The following KMT2D variants were observed in gnomAD, a reference collection of about 807,000 sequenced individuals.
The protein encoded by KMT2D is histone-lysine N-methyltransferase 2D.
KMT2D carries 55 observed loss-of-function variants against 512.7 expected under a neutral mutation model. That is an observed-to-expected ratio of 0.11 (90% CI 0.09 to 0.13). The LOEUF is 0.13. Ranked by LOEUF, KMT2D falls within the 10% of genes least tolerant of loss-of-function variation. KMT2D has a pLI of 1.00. For missense variants in KMT2D, 6,061 were observed against 7,127.9 expected, an observed-to-expected ratio of 0.85 and a Z score of 5.39; for synonymous variants, 2,995 against 2,904.0, an observed-to-expected ratio of 1.03 and a Z score of -1.01.
rs1243381790 is a variant in KMT2D at position 49,054,967 on chromosome 12, G to T, written c.109C>A (p.His37Asn). 5.0e-6 allele frequency: 8 copies of T among 1,613,914 alleles called. No individual in the cohort carries two copies. The highest frequency in any genetic ancestry group is 5.9e-6 in the Non-Finnish European group (7 of 1,179,896). Residue 37 changes from histidine to asparagine, a missense_variant, in exon 3 of 55, where the codon CAT (histidine) becomes AAT (asparagine). His to Asn is a moderately conservative substitution (Grantham distance 68, BLOSUM62 1). Transcript: ENST00000301067. This position sits in a 1 kb window ranked among gnomAD's most constrained non-coding sequence, Gnocchi z 6.4. ...CTAAGGACAGAGACCTCTCCCACATGTGGGTTGGGCAGGTCTGACTCAGTG... is the reference window on the plus strand; with the variant it reads ...CTAAGGACAGAGACCTCTCCCACATTTGGGTTGGGCAGGTCTGACTCAGTG... ...SATESDLPNP[H>N]VGEVSVLSSG...
chr12:49,039,673 C>T lies in KMT2D; in HGVS notation c.8046+51G>A, dbSNP rs1943392379. On this transcript the variant is annotated intron_variant, in intron 32 of 54. Transcript: ENST00000301067. This position sits in a 1 kb window ranked among gnomAD's most constrained non-coding sequence, Gnocchi z 5.0. ...CCATTCTACTCCAATCATAGGGCTG[C>T]CCCAGAGACAGGAGCGATATAGGGG... is the stretch of plus-strand genomic sequence containing the variant. 3.7e-6 allele frequency: 6 copies of T among 1,602,618 alleles called. No individual in the cohort carries two copies. Among genetic ancestry groups the T allele is most frequent in the East Asian group, 4.5e-5 (2 of 44,720 alleles).
rs745599611 is a variant in KMT2D at position 49,024,662 on chromosome 12, C to T, written c.15968G>A (p.Arg5323His). The T allele has an allele frequency of 8.1e-6, 13 of 1,613,672 alleles. No individual in the cohort carries two copies. The highest frequency in any genetic ancestry group is 1.3e-5 in the African/African-American group (1 of 74,912). The part of the protein sequence containing the change: ...SCQNYLFRYG[R>H]HPLMELPLMI... Reference sequence around the variant, plus strand: ...GAGTGGCAGCTCCATAAGGGGGTGGCGCCCATAGCGGAATAAATAGTTTTG... The same window carrying T: ...GAGTGGCAGCTCCATAAGGGGGTGGTGCCCATAGCGGAATAAATAGTTTTG... Residue 5323 changes from arginine (R) to histidine (H), a missense_variant, in exon 51 of 55, where the codon CGC becomes CAC. Coordinates refer to ENST00000301067, the MANE Select transcript of KMT2D (RefSeq NM_003482.4). The surrounding 1 kb of genome is among the most constrained non-coding windows in gnomAD (Gnocchi z 4.5).
chr12:49,042,393 G>C lies in KMT2D; in HGVS notation c.5868-63C>G. The C allele has an allele frequency of 6.7e-7, 1 of 1,492,834 alleles. No homozygotes were observed. The highest frequency in any genetic ancestry group is 1.4e-5 in the African/African-American group (1 of 71,402). The allele number at this position is 1,492,834 out of a possible 1,614,324, so 92.5% of individuals were successfully genotyped here. ...TGCCAAGTCCCACCCCAGACAAACT[G>C]CCTAGAGCCCCAGGCCACTGCCCTG... is the stretch of plus-strand genomic sequence containing the variant. On this transcript the variant is annotated intron_variant, in intron 28 of 54. Coordinates refer to ENST00000301067, the MANE Select transcript of KMT2D (RefSeq NM_003482.4). The surrounding 1 kb of genome is among the most constrained non-coding windows in gnomAD (Gnocchi z 4.4).
At chr12:49,043,248 A>G in intron 25 of KMT2D, 62 bp from the exon 26 acceptor site, 1 of 1,536,754 alleles carries the variant, frequency 6.5e-7, no homozygotes. Context: ...ACTCTGAACC[A>G]CAGAGGGCCA....
In KMT2D at chr12:49,021,573, G is replaced by A. The variant is rs546353502; in HGVS notation, c.*207C>T. 7.7e-5 allele frequency: 43 copies of A among 556,850 alleles called. 1 individual carries two copies. The highest frequency in any genetic ancestry group is 9.4e-4 in the Middle Eastern group (2 of 2,132). 34.5% of individuals were successfully genotyped at this position (556,850 alleles called of 1,614,324 possible). ...GGGCAGAGATGCCAGCCTGAGGGCC[G>A]GTGGTGGGGAAGAGGATTGTCCCTG... On this transcript the variant is annotated 3_prime_UTR_variant, in exon 55 of 55. Coordinates refer to ENST00000301067, the MANE Select transcript of KMT2D (RefSeq NM_003482.4).
At position 49,041,228 on chromosome 12, in the gene KMT2D, G is replaced by A. The variant is rs373068721; in HGVS notation, c.6542C>T (p.Pro2181Leu). 4.6e-6 allele frequency: 7 copies of A among 1,513,968 alleles called. No individual in the cohort carries two copies. In the African/African-American group the frequency reaches 9.8e-5, roughly 21 times the overall value. The allele number at this position is 1,513,968 out of a possible 1,614,324, so 93.8% of individuals were successfully genotyped here. ...GAAGCGGGGCTCCAGGGGATAGGCAGGGGCCAGTCCAAAGGGGTCCTGCGA... is the reference window on the plus strand; with the variant it reads ...GAAGCGGGGCTCCAGGGGATAGGCAAGGGCCAGTCCAAAGGGGTCCTGCGA... The part of the protein sequence containing the change: ...VPSQDPFGLA[P>L]AYPLEPRFPT... The change falls in exon 32 of 55, where the codon CCT becomes CTT. Residue 2181 changes from proline (P) to leucine (L), a missense_variant. By Grantham distance (98) the Pro-to-Leu change is moderately conservative (BLOSUM62 -3). Coordinates refer to ENST00000301067, the MANE Select transcript of KMT2D (RefSeq NM_003482.4). This position sits in a 1 kb window ranked among gnomAD's most constrained non-coding sequence, Gnocchi z 5.4.
chr12:49,035,547 CTTTCTTTTTTTCTTTTCT>C (rs1943178425), intron 35 of KMT2D: 1 of 152,284 alleles, frequency 6.6e-6, no homozygotes, highest in South Asian at 2.1e-4. Flanking sequence ...TGAGCATCCA[CTTTCTTTTTTTCTTTTCT>C]TTTCTTTTTT....
chr12:49,057,966 T>C (rs987623395), intron 1 of KMT2D, among the ~76,000 whole-genome samples: 3 of 152,206 alleles, frequency 2.0e-5, no homozygotes, highest in Non-Finnish European at 4.4e-5. Flanking sequence ...CCCACTCTCC[T>C]TCCTGCCTCC....
At position 49,022,979 on chromosome 12, in the gene KMT2D, G is replaced by A; in HGVS notation, c.16053-104C>T. 1.6e-6 allele frequency: 2 copies of A among 1,233,302 alleles called. No individual in the cohort carries two copies. Among genetic ancestry groups the A allele is most frequent in the Non-Finnish European group, 2.2e-6 (2 of 905,892 alleles). 76.4% of individuals were successfully genotyped at this position (1,233,302 alleles called of 1,614,324 possible). ...TGGGATGTGCAACACACCAGTTAGG[G>A]GCGTGTGCTGCTGGCAAGCACTGGA... On this transcript the variant is annotated intron_variant, in intron 51 of 54. Coordinates refer to ENST00000301067, the MANE Select transcript of KMT2D (RefSeq NM_003482.4). The surrounding 1 kb of genome is among the most constrained non-coding windows in gnomAD (Gnocchi z 8.6).
At position 49,039,522 on chromosome 12, in the gene KMT2D, C is replaced by A. The variant is rs1381585242; in HGVS notation, c.8142G>T (p.Val2714=). 3 of 1,612,182 alleles carry A rather than the reference C, an allele frequency of 1.9e-6. No individual in the cohort carries two copies. The highest frequency in any genetic ancestry group is 2.5e-6 in the Non-Finnish European group (3 of 1,179,420). ...KETAAAAAGA[V]GPPGSWGAEP... ...CAGCACCCCAGCTGCCTGGAGGCCC[C>A]ACTGCTCCTGCAGCTGCTGCAGCTG... is the stretch of plus-strand genomic sequence containing the variant. The change falls in exon 33 of 55, where the codon GTG becomes GTT. Residue 2714 remains valine (V), a synonymous_variant. Transcript: ENST00000301067. This position sits in a 1 kb window ranked among gnomAD's most constrained non-coding sequence, Gnocchi z 5.0.
Position 49,037,283 on chromosome 12 carries a change from C to T in KMT2D, c.10073G>A (p.Ser3358Asn). The change falls in exon 35 of 55, where the codon AGT (serine) becomes AAT (asparagine). Residue 3358 changes from serine to asparagine, a missense_variant. Transcript: ENST00000301067. Reference protein sequence around the residue: ...AMVSNQGHMLSGQHGGQAGLV... With the variant: ...AMVSNQGHMLNGQHGGQAGLV... The stretch of plus-strand genomic sequence containing the variant: ...GCCTGCCTGCCCTCCATGCTGCCCA[C>T]TTAGCATATGCCCTTGATTGGACAC... 6.2e-7 allele frequency: 1 copy of T among 1,613,704 alleles called. No individual in the cohort carries two copies. The highest frequency in any genetic ancestry group is 8.5e-7 in the Non-Finnish European group (1 of 1,179,848).
In KMT2D at chr12:49,019,265, A is replaced by G. The variant is rs910282002; in HGVS notation, c.*2515T>C. On this transcript the variant is annotated 3_prime_UTR_variant, in exon 55 of 55. Coordinates refer to ENST00000301067, the MANE Select transcript of KMT2D (RefSeq NM_003482.4). ...CACTTGTCAGCGATTTATTTTTTAA[A>G]AAGGGGGAGGGTCCTGGAGGTGAGG... 2.8e-6 allele frequency: 2 copies of G among 715,586 alleles called. No individual in the cohort carries two copies. Among genetic ancestry groups the G allele is most frequent in the African/African-American group, 3.8e-5 (2 of 52,996 alleles). The allele number at this position is 715,586 out of a possible 1,614,324, so 44.3% of individuals were successfully genotyped here. A position where few individuals can be genotyped will look rare whatever the true frequency, so the allele number is the denominator to read the frequency against.
chr12:49,052,460 C>T (rs2120687916), intron 10 of KMT2D, 36 bp from the exon 11 acceptor site: 1 of 1,546,286 alleles, frequency 6.5e-7, no homozygotes, highest in Non-Finnish European at 8.8e-7. Context: ...CTATCTAGCT[C>T]AGATCTACTC....
chr12:49,029,389 C>G lies in KMT2D; in HGVS notation c.14075+12G>C. 1 of 1,556,570 alleles carries G rather than the reference C, an allele frequency of 6.4e-7. No homozygotes were observed. Among genetic ancestry groups the G allele is most frequent in the Non-Finnish European group, 8.7e-7 (1 of 1,149,232 alleles). Reference sequence around the variant, plus strand: ...CCTTGTTCCTCATCCCCATTTCTGGCCCCGCCCCTACCTGACATCCTCAGT... The same window carrying G: ...CCTTGTTCCTCATCCCCATTTCTGGGCCCGCCCCTACCTGACATCCTCAGT... On this transcript the variant is annotated intron_variant, in intron 44 of 54. Transcript: ENST00000301067.
chr12:49,052,012 T>G lies in KMT2D; in HGVS notation c.1671A>C (p.Pro557=), dbSNP rs531954120. ...GCGGGGAAGTGGGCAATTCCTCAGG[T>G]GGCGGGGACAAAGGAGATTCTTCAA... is the stretch of plus-strand genomic sequence containing the variant. ...PPFEESPLSP[P]PEELPTSPPP... The change falls in exon 11 of 55, where the codon CCA becomes CCC. Residue 557 remains proline (P), a synonymous_variant. Coordinates refer to ENST00000301067, the MANE Select transcript of KMT2D (RefSeq NM_003482.4). 3.1e-6 allele frequency: 5 copies of G among 1,610,900 alleles called. No individual in the cohort carries two copies. The Admixed American group carries it at 5.0e-5, about 16-fold the overall frequency.
rs2120509530 is a variant in KMT2D, at chr12:49,039,224, G to C, written c.8364C>G (p.Ser2788Arg). The C allele has an allele frequency of 6.2e-7, 1 of 1,613,718 alleles. No individual in the cohort carries two copies. The highest frequency in any genetic ancestry group is 2.2e-5 in the East Asian group (1 of 44,876). The stretch of plus-strand genomic sequence containing the variant: ...CAGGGAACCTCCTGGAGCCTCACCG[G>C]CTGTTCACATCCATAGAGGAAGGCG... Reference protein sequence around the residue: ...PATPSSMDVNSRQLVGGSQAF... With the variant: ...PATPSSMDVNRRQLVGGSQAF... The change falls in exon 34 of 55, where the codon AGC becomes AGG. Residue 2788 changes from serine (S) to arginine (R), a missense_variant and splice_region_variant. Coordinates refer to ENST00000301067, the MANE Select transcript of KMT2D (RefSeq NM_003482.4). This position sits in a 1 kb window ranked among gnomAD's most constrained non-coding sequence, Gnocchi z 5.0.
intron 35 of KMT2D, among the ~76,000 whole-genome samples, chr12:49,036,496 T>C (rs1225211957): frequency 6.4e-5 from 9 of 141,386 alleles, no homozygotes; most frequent in Non-Finnish European, 1.2e-4. Context: ...TTTTTTTTTT[T>C]TTTTTTTTTG....
In KMT2D at chr12:49,042,610, GGCT is replaced by G; in HGVS notation, c.5815_5817del (p.Ser1939del). 6.2e-7 allele frequency: 1 copy of G among 1,613,804 alleles called. No individual in the cohort carries two copies. The highest frequency in any genetic ancestry group is 8.5e-7 in the Non-Finnish European group (1 of 1,179,782). On this transcript the variant is annotated inframe_deletion, in exon 28 of 55. Coordinates refer to ENST00000301067, the MANE Select transcript of KMT2D (RefSeq NM_003482.4). This position sits in a 1 kb window ranked among gnomAD's most constrained non-coding sequence, Gnocchi z 4.4. ...CAGAGGCCTGGGTAGGAGTCCATTG[GGCT>G]GCTGGAGGGCAGATTGCCCAAAGGG...
Position 49,033,351 on chromosome 12 carries a change from A to G in KMT2D, c.11354T>C (p.Leu3785Pro), listed in dbSNP as rs1307417506. 3 of 1,590,216 alleles carry G rather than the reference A, an allele frequency of 1.9e-6. No individual in the cohort carries two copies. In the African/African-American group the frequency reaches 4.0e-5, roughly 21 times the overall value. ...TTGAGGGGACAGCTGCTGGACCAGG[A>G]GGCCTTGGTGGCTGCTGGGAGGCAT... is the stretch of plus-strand genomic sequence containing the variant. ...GLMPPSSHQG[L>P]LVQQLSPQPP... Residue 3785 changes from leucine (L) to proline (P), a missense_variant, in exon 40 of 55, where the codon CTC becomes CCC. Physicochemically the swap from Leu to Pro is moderately conservative, Grantham distance 98. This residue lies in a region of KMT2D where 1,600 missense variants were observed against 1,754.9 expected (regional missense o/e 0.91). Transcript: ENST00000301067.
Sources: gnomAD v4.1 joint callset for allele counts (sites outside exome capture counted in the v4.1 genomes callset) on GRCh38, gnomAD v4.1.1 for gene constraint, gnomAD v4.1.1 regional missense constraint, Gnocchi (gnomAD v3.1) non-coding constraint, MANE v1.5 for transcripts, NCBI Gene and HGNC (gene_info 2026-07-23, HGNC 2026-07-21) for gene names.